MAGI1: variants seen among roughly 807,000 people sequenced by gnomAD.
MAGI1 encodes membrane-associated guanylate kinase, WW and PDZ domain-containing protein 1.
MAGI1 carries 58 observed loss-of-function variants against 139.9 expected under a neutral mutation model. That is an observed-to-expected ratio of 0.41 (90% CI 0.34 to 0.52). The LOEUF (loss-of-function observed/expected upper bound fraction) is 0.52, where lower values mean the gene tolerates loss of function less well. Among genes scored for constraint, MAGI1 ranks in the 20% least tolerant of loss-of-function variants. MAGI1 has a pLI of 0.12. For synonymous variants in MAGI1, 812 were observed against 737.9 expected (o/e 1.10, Z -1.63); for missense variants, 1,874 against 1,901.6 (o/e 0.99, Z 0.27).
chr3:65,419,634 C>A (rs1331394262), intron 12 of MAGI1, among the ~76,000 whole-genome samples: 4 of 152,074 alleles, frequency 2.6e-5, no homozygotes, highest in African/African-American at 9.7e-5. Flanking sequence ...GAGAAGAAAC[C>A]CTTGATTTTA....
At chr3:65,650,441 A>AATAAT (rs2085515071) in intron 1 of MAGI1, among the ~76,000 whole-genome samples, 1 of 152,192 alleles carries the variant, frequency 6.6e-6, no homozygotes, top group Non-Finnish European at 1.5e-5. Context: ...ATCATGGAAT[A>AATAAT]CTACTCAGCA....
At chr3:65,386,529 T>C (rs1943463724) in intron 14 of MAGI1, among the ~76,000 whole-genome samples, 1 of 152,206 alleles carries the variant, frequency 6.6e-6, no homozygotes, top group Admixed American at 6.5e-5. Context: ...TGAAACACAT[T>C]ATGGGATTAT....
Position 65,746,785 on chromosome 3 carries a change from C to T in MAGI1, c.314-124697G>A, listed in dbSNP as rs558315482. On this transcript the variant is annotated intron_variant, in intron 1 of 22. Coordinates refer to ENST00000402939, the MANE Select transcript of MAGI1 (RefSeq NM_001033057.2). ...TGGAAAATAATTATATTACTTTGTA[C>T]TGCTTCTGCCTAGTCAATCACTGAC... Among the ~76,000 whole-genome samples, 12 of 152,236 alleles carry T rather than the reference C, an allele frequency of 7.9e-5. 1 individual carries two copies. The South Asian group carries it at 2.5e-3, about 32-fold the overall frequency.
chr3:65,743,204 T>C (rs1347136066), intron 1 of MAGI1, among the ~76,000 whole-genome samples: 4 of 152,180 alleles, frequency 2.6e-5, no homozygotes, highest in Non-Finnish European at 4.4e-5. Flanking sequence ...ATAATATTCA[T>C]ATTCTAATGT....
At chr3:65,922,718 T>C (rs542654955) in intron 1 of MAGI1, among the ~76,000 whole-genome samples, 211 of 152,298 alleles carry the variant, frequency 1.4e-3, no homozygotes, top group African/African-American at 4.9e-3. Context: ...GAGAACACGA[T>C]GAATCAACGG....
chr3:65,703,136 C>T (rs1004228940), intron 1 of MAGI1, among the ~76,000 whole-genome samples: 4 of 152,160 alleles, frequency 2.6e-5, no homozygotes, highest in Non-Finnish European at 4.4e-5. Flanking sequence ...CATCTCTCTA[C>T]TGTTTTGGCA....
intron 1 of MAGI1, among the ~76,000 whole-genome samples, chr3:65,711,194 C>A (rs904513608): frequency 6.6e-6 from 1 of 152,120 alleles, no homozygotes; most frequent in Non-Finnish European, 1.5e-5. Context: ...AAAGTTTCTG[C>A]CTTCATGAAG....
In MAGI1 at chr3:65,490,853, AAAAAG is replaced by A. The variant is rs1299655652; in HGVS notation, c.550+2654_550+2658del. The stretch of plus-strand genomic sequence containing the variant: ...AGCGAGACTCTGTCTCAAAAAAAAA[AAAAAG>A]AAAAAAGAAAGAAAAATTATGAGCC... On this transcript the variant is annotated intron_variant, in intron 3 of 22. Coordinates refer to ENST00000402939, the MANE Select transcript of MAGI1 (RefSeq NM_001033057.2). Among the ~76,000 whole-genome samples, 225 of 149,670 alleles carry A rather than the reference AAAAAG, an allele frequency of 1.5e-3. 12 individuals are homozygous for A. Among genetic ancestry groups the A allele is most frequent in the Middle Eastern group, 6.9e-3 (2 of 290 alleles).
chr3:65,695,880 G>A (rs1278946194), intron 1 of MAGI1, among the ~76,000 whole-genome samples: 1 of 152,116 alleles, frequency 6.6e-6, no homozygotes, highest in African/African-American at 2.4e-5. Flanking sequence ...ACCAATATTT[G>A]TGCTTTACTC....
In MAGI1 at chr3:65,478,259, A is replaced by C. The variant is rs529693768; in HGVS notation, c.757+333T>G. 4.8e-3 allele frequency among the ~76,000 whole-genome samples: 723 copies of C among 151,722 alleles called. 4 individuals carry two copies. Among genetic ancestry groups the C allele is most frequent in the African/African-American group, 0.015 (615 of 41,400 alleles). Reference sequence around the variant, plus strand: ...AGAGATGCTGCAAGTTACCCCCCCCAAAAAAAATCAATGAACAAAATACAG... The same window carrying C: ...AGAGATGCTGCAAGTTACCCCCCCCCAAAAAAATCAATGAACAAAATACAG... On this transcript the variant is annotated intron_variant, in intron 4 of 22. Transcript: ENST00000402939.
intron 1 of MAGI1, among the ~76,000 whole-genome samples, chr3:65,689,210 A>G (rs1291813109): frequency 6.6e-6 from 1 of 152,228 alleles, no homozygotes; most frequent in East Asian, 1.9e-4. Flanking sequence ...TTGATAAAGC[A>G]TTCCACCTTA....
intron 12 of MAGI1, among the ~76,000 whole-genome samples, chr3:65,415,259 G>A (rs1375933580): frequency 6.6e-6 from 1 of 152,030 alleles, no homozygotes. Context: ...TAAGTCAAAG[G>A]TACTGAAAAC....
intron 1 of MAGI1, among the ~76,000 whole-genome samples, chr3:65,775,193 C>A (rs1328743986): frequency 6.6e-6 from 1 of 152,004 alleles, no homozygotes; most frequent in Non-Finnish European, 1.5e-5. Flanking sequence ...CACCTGTAAT[C>A]CCAGCACTTT....
intron 1 of MAGI1, among the ~76,000 whole-genome samples, chr3:65,821,828 G>C (rs563855513): frequency 6.6e-6 from 1 of 152,324 alleles, no homozygotes; most frequent in East Asian, 1.9e-4. Context: ...CCAGAGGGCA[G>C]AGAGTGAGAT....
Position 65,737,028 on chromosome 3 carries a change from C to T in MAGI1, c.314-114940G>A, listed in dbSNP as rs550911020. On this transcript the variant is annotated intron_variant, in intron 1 of 22. Coordinates refer to ENST00000402939, the MANE Select transcript of MAGI1 (RefSeq NM_001033057.2). ...CTTTTTTTTTTTTTTCTTTTTGAGA[C>T]GGAGTCTCGCTCTGTCCCTAGGCTG... is the stretch of plus-strand genomic sequence containing the variant. 9.8e-4 allele frequency among the ~76,000 whole-genome samples: 148 copies of T among 151,000 alleles called. 1 individual carries two copies. The highest frequency in any genetic ancestry group is 3.2e-3 in the African/African-American group (131 of 41,042).
At chr3:65,379,226 G>A in intron 17 of MAGI1, 35 bp downstream of exon 17, 1 of 1,607,232 alleles carries the variant, frequency 6.2e-7, no homozygotes, top group Non-Finnish European at 8.5e-7. Context: ...CAGGCATGGT[G>A]GGAAACCCTG....
intron 1 of MAGI1, among the ~76,000 whole-genome samples, chr3:65,623,358 T>G (rs2083788894): frequency 6.6e-6 from 1 of 152,136 alleles, no homozygotes. Context: ...GCTAAAAATA[T>G]TATATTATCA....
At chr3:65,716,665 C>G (rs1299533351) in intron 1 of MAGI1, among the ~76,000 whole-genome samples, 1 of 152,160 alleles carries the variant, frequency 6.6e-6, no homozygotes, top group African/African-American at 2.4e-5. Flanking sequence ...CCTAACAATT[C>G]TTGTGGTAGT....
At chr3:65,485,418 G>GGTAAGGGACC (rs1214425278) in intron 3 of MAGI1, among the ~76,000 whole-genome samples, 2 of 152,126 alleles carry the variant, frequency 1.3e-5, no homozygotes, top group Admixed American at 1.3e-4. Flanking sequence ...CCCTGAGTGA[G>GGTAAGGGACC]GTAAGGGACC....
Sources: gnomAD v4.1 joint callset for allele counts (sites outside exome capture counted in the v4.1 genomes callset) on GRCh38, gnomAD v4.1.1 for gene constraint, MANE v1.5 for transcripts, NCBI Gene and HGNC (gene_info 2026-07-23, HGNC 2026-07-21) for gene names.